Variants in DGKB observed in about 807,000 individuals in gnomAD.
The protein encoded by DGKB is diacylglycerol kinase beta, also known as 90 kDa diacylglycerol kinase.
In DGKB, 67 loss-of-function variants were observed where a neutral mutation model predicts 114.3. The ratio of observed to expected loss-of-function variants is 0.59; its 90% CI spans 0.48 to 0.72. The LOEUF (loss-of-function observed/expected upper bound fraction) is 0.72. DGKB is among the 30% of genes least tolerant of loss of function. The probability of loss-of-function intolerance (pLI) is 0.00; values close to 1 mark genes in which losing one functional copy is unlikely to be tolerated. For missense variants in DGKB, 907 were observed against 975.2 expected, an observed-to-expected ratio of 0.93 and a Z score of 0.93; for synonymous variants, 398 against 323.1, an observed-to-expected ratio of 1.23 and a Z score of -2.49.
At chr7:14,859,119 A>C (rs1018452803) in intron 1 of DGKB, among the ~76,000 whole-genome samples, 7 of 152,278 alleles carry the variant, frequency 4.6e-5, no homozygotes, top group African/African-American at 1.7e-4. Context: ...AGAGAACAGG[A>C]GAGAAGGCAA....
At chr7:14,385,441 C>A (rs1820174704) in intron 21 of DGKB, among the ~76,000 whole-genome samples, 1 of 152,158 alleles carries the variant, frequency 6.6e-6, no homozygotes, top group Non-Finnish European at 1.5e-5. Flanking sequence ...GATATCATGG[C>A]AGAATCTTCT....
intron 1 of DGKB, among the ~76,000 whole-genome samples, chr7:14,842,257 T>A (rs1413174312): frequency 1.3e-5 from 2 of 152,244 alleles, no homozygotes; most frequent in Non-Finnish European, 2.9e-5. Flanking sequence ...AAAGTCACCT[T>A]ACTTCTACAG....
rs186608063 is a variant in DGKB at position 14,380,316 on chromosome 7, A to G, written c.1836-34925T>C. Among the ~76,000 whole-genome samples, 965 of 152,118 alleles carry G rather than the reference A, an allele frequency of 6.3e-3. 11 individuals carry two copies. Among genetic ancestry groups the G allele is most frequent in the African/African-American group, 0.022 (907 of 41,566 alleles). ...TATGCCTAATTGAAAAAGGAATAAA[A>G]TCATTTGGAAGTTAGGTGAAGAAAA... On this transcript the variant is annotated intron_variant, in intron 21 of 25. Transcript: ENST00000402815.
Position 14,695,494 on chromosome 7 carries a change from C to CTTTTTTTTTTTTTTTT in DGKB, c.592-1316_592-1301dup, listed in dbSNP as rs1173622205. Among the ~76,000 whole-genome samples, 54 of 75,166 alleles carry CTTTTTTTTTTTTTTTT rather than the reference C, an allele frequency of 7.2e-4. 8 individuals carry two copies. The highest frequency in any genetic ancestry group is 9.4e-4 in the Non-Finnish European group (41 of 43,554). 49.3% of individuals were successfully genotyped at this position (75,166 alleles called of 152,430 possible). ...AATGTTCATTTCTCTCTCTCTCTCT[C>CTTTTTTTTTTTTTTTT]TTTTTTTTTTTTTTTTTTTTTTTGA... On this transcript the variant is annotated intron_variant, in intron 8 of 25. Transcript: ENST00000402815.
At chr7:14,455,751 G>C (rs1832195732) in intron 21 of DGKB, among the ~76,000 whole-genome samples, 2 of 151,926 alleles carry the variant, frequency 1.3e-5, no homozygotes, top group South Asian at 4.1e-4. Flanking sequence ...TCAGGAAATA[G>C]ATATAAGAAA....
chr7:14,150,012 G>T (rs2128210036), intron 25 of DGKB, among the ~76,000 whole-genome samples: 1 of 152,156 alleles, frequency 6.6e-6, no homozygotes, highest in African/African-American at 2.4e-5. Context: ...GACATTTTAT[G>T]AATATATGCT....
At chr7:14,421,264 A>T (rs1290648353) in intron 21 of DGKB, among the ~76,000 whole-genome samples, 2 of 152,042 alleles carry the variant, frequency 1.3e-5, no homozygotes, top group Admixed American at 6.6e-5. Context: ...CAATAAATCT[A>T]TGCTTTTGTT....
chr7:14,639,534 C>T lies in DGKB; in HGVS notation c.1135-9266G>A, dbSNP rs781735303. 4.9e-4 allele frequency among the ~76,000 whole-genome samples: 74 copies of T among 152,114 alleles called. 2 individuals carry two copies. The highest frequency in any genetic ancestry group is 1.0e-4 in the Non-Finnish European group (7 of 68,030). ...CCGTCCCTAAGAATTAACCTTTATC[C>T]ACAGAAATAGGCTGTGCCAGGAGGC... On this transcript the variant is annotated intron_variant, in intron 13 of 25. Transcript: ENST00000402815.
chr7:14,736,178 C>A lies in DGKB; in HGVS notation c.185G>T (p.Gly62Val). The A allele has an allele frequency of 6.4e-7, 1 of 1,567,486 alleles. No individual in the cohort carries two copies. The highest frequency in any genetic ancestry group is 8.7e-7 in the Non-Finnish European group (1 of 1,155,910). The change falls in exon 5 of 26, where the codon GGT becomes GTT. Residue 62 changes from glycine to valine, a missense_variant. Transcript: ENST00000402815. ...GAATGTCTTCATGAATAGTTTGAAA[C>A]CTTCAAAATCTATTGTCTGGAAAAA... Reference protein sequence around the residue: ...DILNQTIDFEGFKLFMKTFLE... With the variant: ...DILNQTIDFEVFKLFMKTFLE...
At chr7:14,472,147 T>C (rs2128891988) in intron 21 of DGKB, among the ~76,000 whole-genome samples, 1 of 152,342 alleles carries the variant, frequency 6.6e-6, no homozygotes, top group South Asian at 2.1e-4. Context: ...TATGACTAGA[T>C]TTTTAAGAAA....
At chr7:14,331,179 T>C (rs1002070815) in intron 23 of DGKB, among the ~76,000 whole-genome samples, 5 of 152,148 alleles carry the variant, frequency 3.3e-5, no homozygotes, top group Non-Finnish European at 1.5e-5. Flanking sequence ...GGTTACTAGA[T>C]AGCAAATGTT....
At chr7:14,913,977 T>C (rs1471767331) in intron 1 of DGKB, among the ~76,000 whole-genome samples, 4 of 152,112 alleles carry the variant, frequency 2.6e-5, no homozygotes, top group African/African-American at 9.7e-5. Flanking sequence ...AAGTAACTGG[T>C]ATTAATAGTT....
At position 14,587,504 on chromosome 7, in the gene DGKB, C is replaced by A. The variant is rs996666616; in HGVS notation, c.1434-4367G>T. 5.9e-5 allele frequency among the ~76,000 whole-genome samples: 9 copies of A among 152,206 alleles called. No individual in the cohort carries two copies. In the East Asian group the frequency reaches 1.4e-3, roughly 23 times the overall value. The stretch of plus-strand genomic sequence containing the variant: ...TACATAAATTTAATTGACAAGGCAG[C>A]AGCAGGATTTGAGAAGACTGACTCA... On this transcript the variant is annotated intron_variant, in intron 17 of 25. Coordinates refer to ENST00000402815, the MANE Select transcript of DGKB (RefSeq NM_001350709.2).
intron 23 of DGKB, among the ~76,000 whole-genome samples, chr7:14,314,169 A>G (rs1447414952): frequency 3.3e-5 from 5 of 152,150 alleles, no homozygotes; most frequent in Admixed American, 1.3e-4. Context: ...AGATAAAACC[A>G]CAAAGATGGG....
chr7:14,525,362 G>A (rs952238446), intron 20 of DGKB, among the ~76,000 whole-genome samples: 4 of 152,132 alleles, frequency 2.6e-5, no homozygotes, highest in African/African-American at 9.7e-5. Flanking sequence ...GACCTTAGTT[G>A]CAGATTAAAA....
intron 1 of DGKB, among the ~76,000 whole-genome samples, chr7:14,934,683 T>G (rs907096733): frequency 2.0e-5 from 3 of 152,136 alleles, no homozygotes; most frequent in Admixed American, 1.3e-4. Flanking sequence ...ACAATAAAAT[T>G]TATCATGTAA....
chr7:14,799,626 G>A (rs140780061), intron 2 of DGKB, among the ~76,000 whole-genome samples: 5 of 152,262 alleles, frequency 3.3e-5, no homozygotes, highest in East Asian at 3.9e-4. Flanking sequence ...CTAAGAAAGC[G>A]GTACCTCTAA....
chr7:14,891,176 C>T (rs1021700458), intron 1 of DGKB, among the ~76,000 whole-genome samples: 3 of 151,284 alleles, frequency 2.0e-5, no homozygotes, highest in Non-Finnish European at 3.0e-5. Flanking sequence ...CAAGTAGATG[C>T]GCGAAACCGC....
At chr7:14,876,998 T>C (rs142985586) in intron 1 of DGKB, among the ~76,000 whole-genome samples, 3 of 152,356 alleles carry the variant, frequency 2.0e-5, no homozygotes, top group African/African-American at 7.2e-5. Context: ...GCACATTTTA[T>C]GTGCTAAAAC....
Sources: allele counts gnomAD v4.1 joint callset (sites outside exome capture counted in the v4.1 genomes callset), GRCh38; gene constraint gnomAD v4.1.1; transcripts MANE v1.5; gene names NCBI Gene and HGNC (gene_info 2026-07-23, HGNC 2026-07-21).